LRRK1: variants seen among roughly 807,000 people sequenced by gnomAD.
The protein encoded by LRRK1 is leucine-rich repeat serine/threonine-protein kinase 1.
LRRK1 carries 113 observed loss-of-function variants against 209.1 expected under a neutral mutation model. The ratio of observed to expected loss-of-function variants is 0.54; its 90% CI spans 0.46 to 0.63. LRRK1 has a LOEUF of 0.63. Ranked by LOEUF, LRRK1 falls within the 30% of genes least tolerant of loss-of-function variation. LRRK1 has a pLI of 0.00. For synonymous variants in LRRK1, 1,144 were observed against 1,099.7 expected, an observed-to-expected ratio of 1.04 and a Z score of -0.80; for missense variants, 2,284 against 2,632.2, an observed-to-expected ratio of 0.87 and a Z score of 2.89.
At chr15:101,019,770 A>C (rs1441184220) in intron 12 of LRRK1, among the ~76,000 whole-genome samples, 1 of 152,152 alleles carries the variant, frequency 6.6e-6, no homozygotes, top group East Asian at 1.9e-4. Flanking sequence ...GAATTCTCCG[A>C]GCTCCCAGGC....
chr15:100,968,670 TTTTCTTTC>T, intron 2 of LRRK1, among the ~76,000 whole-genome samples: 1 of 137,224 alleles, frequency 7.3e-6, no homozygotes, highest in South Asian at 2.4e-4. Flanking sequence ...CTTTCTTTCT[TTTTCTTTC>T]TTTCTTTCTT....
At chr15:101,032,785 T>A (rs2141108631) in intron 20 of LRRK1, among the ~76,000 whole-genome samples, 1 of 152,304 alleles carries the variant, frequency 6.6e-6, no homozygotes. Context: ...ATTATCTTGG[T>A]TTCTTTATCA....
At position 101,071,376 on chromosome 15, in the gene LRRK1, G is replaced by GT. The variant is rs11403379; in HGVS notation, c.*2536dup. On this transcript the variant is annotated 3_prime_UTR_variant, in exon 34 of 34. Transcript: ENST00000388948. The stretch of plus-strand genomic sequence containing the variant: ...CGGAGACACAGTCAAGAATCTCTGT[G>GT]TTTTTTTTGTTTTGTTTTGTTTTTG... 0.95 allele frequency: 144,802 copies of GT among 151,914 alleles called. 69,336 individuals are homozygous for GT. Among genetic ancestry groups the GT allele is most frequent in the Non-Finnish European group, 1 (67,861 of 68,020 alleles). The allele number at this position is 151,914 out of a possible 1,614,324, so 9.4% of individuals were successfully genotyped here.
chr15:100,972,186 C>T (rs1287524226), intron 2 of LRRK1, among the ~76,000 whole-genome samples: 3 of 152,032 alleles, frequency 2.0e-5, no homozygotes, highest in East Asian at 3.9e-4. Context: ...TGGTCTCGAA[C>T]TCCTGACCTC....
At chr15:101,016,089 A>G (rs2033525836) in intron 12 of LRRK1, among the ~76,000 whole-genome samples, 1 of 151,168 alleles carries the variant, frequency 6.6e-6, no homozygotes, top group Non-Finnish European at 1.5e-5. Context: ...TCCCAGGTTC[A>G]AGCTATTCTC....
At position 101,060,927 on chromosome 15, in the gene LRRK1, G is replaced by A. The variant is rs549090131; in HGVS notation, c.4680-244G>A. Among the ~76,000 whole-genome samples, 29 of 152,354 alleles carry A rather than the reference G, an allele frequency of 1.9e-4. No homozygotes were observed. In the East Asian group the frequency reaches 2.9e-3, roughly 15 times the overall value. ...CCCCTCCTTCGTACTGGGGGCAACC[G>A]TCTCAACCCTGAGGGGTCACGGAAA... On this transcript the variant is annotated intron_variant, in intron 29 of 33. Transcript: ENST00000388948.
chr15:101,021,702 A>T, intron 13 of LRRK1, 143 bp from the exon 14 acceptor site: 1 of 591,998 alleles, frequency 1.7e-6, no homozygotes, highest in East Asian at 3.0e-5. Context: ...CTTTGGAATT[A>T]GTGTTGAAAT....
At chr15:100,989,173 C>T in intron 5 of LRRK1, 77 bp from the exon 6 acceptor site, 1 of 1,243,542 alleles carries the variant, frequency 8.0e-7, no homozygotes, top group Non-Finnish European at 1.2e-6. Context: ...TTCCATTCCA[C>T]ATATCAGAGT....
chr15:100,958,902 G>A (rs757279776), intron 2 of LRRK1, among the ~76,000 whole-genome samples: 11 of 152,254 alleles, frequency 7.2e-5, no homozygotes, highest in Non-Finnish European at 1.0e-4. Flanking sequence ...CCCTGCCAAC[G>A]TTTTGCAGTC....
intron 4 of LRRK1, 90 bp from the exon 5 acceptor site, chr15:100,988,544 A>G (rs781120663): frequency 1.7e-6 from 2 of 1,197,574 alleles, no homozygotes. Flanking sequence ...TAACCAGTCC[A>G]TTGCTACTAG....
chr15:100,974,002 A>C (rs2141653894), intron 3 of LRRK1, 35 bp downstream of exon 3: 3 of 1,243,340 alleles, frequency 2.4e-6, no homozygotes, highest in Non-Finnish European at 3.0e-6. Flanking sequence ...CCACCCATGC[A>C]GCCCCGGGCT....
rs144267311 is a variant in LRRK1 at position 101,069,435 on chromosome 15, G to T, written c.*587G>T. On this transcript the variant is annotated 3_prime_UTR_variant, in exon 34 of 34. Coordinates refer to ENST00000388948, the MANE Select transcript of LRRK1 (RefSeq NM_024652.6). The stretch of plus-strand genomic sequence containing the variant: ...TCTCCGTGTGGGAAAGCCCTTGGGG[G>T]ATCCCGGGTGAGGAGTGTTGCCCCA... 1,376 of 152,622 alleles carry T rather than the reference G, an allele frequency of 9.0e-3. 11 individuals are homozygous for T. The highest frequency in any genetic ancestry group is 0.027 in the Middle Eastern group (8 of 296). 9.5% of individuals were successfully genotyped at this position (152,622 alleles called of 1,614,324 possible). A position where few individuals can be genotyped will look rare whatever the true frequency, so the allele number is the denominator to read the frequency against.
chr15:101,012,685 G>A (rs1341297747), intron 10 of LRRK1, among the ~76,000 whole-genome samples: 2 of 152,100 alleles, frequency 1.3e-5, no homozygotes, highest in African/African-American at 4.8e-5. Context: ...GTCCTGCCAG[G>A]CCACTGCCAG....
chr15:101,005,060 T>C (rs1293723878), intron 6 of LRRK1, among the ~76,000 whole-genome samples: 1 of 152,154 alleles, frequency 6.6e-6, no homozygotes, highest in Non-Finnish European at 1.5e-5. Flanking sequence ...GGAAAGACCA[T>C]AATGGCCACG....
Position 101,026,051 on chromosome 15 carries a change from G to A in LRRK1, c.2319G>A (p.Thr773=), listed in dbSNP as rs56251243. ...AGTTCCGTGTGGAAAGGATTGCAAC[G>A]CTGCGTGCCTATGTGCTGGCACTCT... ...EAKFRVERIA[T]LRAYVLALCR... Residue 773 remains threonine, a synonymous_variant, in exon 17 of 34, where the codon ACG becomes ACA. Coordinates refer to ENST00000388948, the MANE Select transcript of LRRK1 (RefSeq NM_024652.6). 2,326 of 1,614,242 alleles carry A rather than the reference G, an allele frequency of 1.4e-3. 35 individuals carry two copies. The African/African-American group carries it at 0.027, about 19-fold the overall frequency.
rs1359865883 is a variant in LRRK1 at position 101,075,400 on chromosome 15, GTCC to G, written c.*6558_*6560del. On this transcript the variant is annotated 3_prime_UTR_variant, in exon 34 of 34. Coordinates refer to ENST00000388948, the MANE Select transcript of LRRK1 (RefSeq NM_024652.6). ...CTTCCCAATCCAAAGCCTCCTTTGT[GTCC>G]TCCTCTTGTATCCCCCGACCTTAAC... is the stretch of plus-strand genomic sequence containing the variant. The G allele has an allele frequency of 2.5e-5, 3 of 121,822 alleles. No individual in the cohort carries two copies. Among genetic ancestry groups the G allele is most frequent in the East Asian group, 4.0e-4 (2 of 4,998 alleles). The allele number at this position is 121,822 out of a possible 1,614,324, so 7.5% of individuals were successfully genotyped here.
chr15:100,990,739 T>C (rs1379689863), intron 6 of LRRK1, among the ~76,000 whole-genome samples: 1 of 149,728 alleles, frequency 6.7e-6, no homozygotes, highest in Non-Finnish European at 1.5e-5. Flanking sequence ...TTTTTGAACA[T>C]TAGAGATTTT....
At position 101,058,248 on chromosome 15, in the gene LRRK1, C is replaced by CG. The variant is rs1205433137; in HGVS notation, c.4679+109dup. The CG allele has an allele frequency of 3.5e-6, 4 of 1,157,394 alleles. No individual in the cohort carries two copies. The African/African-American group carries it at 6.1e-5, about 18-fold the overall frequency. The allele number at this position is 1,157,394 out of a possible 1,614,324, so 71.7% of individuals were successfully genotyped here. A position where few individuals can be genotyped will look rare whatever the true frequency, so the allele number is the denominator to read the frequency against. Reference sequence around the variant, plus strand: ...ACCACAGTGAGAATTATTTAGCAGACGGTAGGGTCCAGAACCTGGTTAGAC... The same window carrying CG: ...ACCACAGTGAGAATTATTTAGCAGACGGGTAGGGTCCAGAACCTGGTTAGAC... On this transcript the variant is annotated intron_variant, in intron 29 of 33. Coordinates refer to ENST00000388948, the MANE Select transcript of LRRK1 (RefSeq NM_024652.6).
chr15:101,065,096 G>C (rs1386833197), intron 31 of LRRK1: 1 of 552,150 alleles, frequency 1.8e-6, no homozygotes, highest in Non-Finnish European at 3.2e-6. Flanking sequence ...AGCCTTACTT[G>C]GTGCCACAGG....
Sources: allele counts gnomAD v4.1 joint callset (sites outside exome capture counted in the v4.1 genomes callset), GRCh38; gene constraint gnomAD v4.1.1; transcripts MANE v1.5; gene names NCBI Gene and HGNC (gene_info 2026-07-23, HGNC 2026-07-21).